The following PPP2R5C variants were observed in gnomAD, a reference collection of about 807,000 sequenced individuals.
PPP2R5C encodes serine/threonine-protein phosphatase 2A 56 kDa regulatory subunit gamma isoform.
Under a neutral mutation model 68.9 loss-of-function variants are expected in PPP2R5C, and 7 were observed. The observed-to-expected ratio is 0.10, with a 90% confidence interval of 0.06 to 0.19. The LOEUF (loss-of-function observed/expected upper bound fraction) is 0.19. Ranked by LOEUF, PPP2R5C falls within the 10% of genes least tolerant of loss-of-function variation. The pLI, the probability that PPP2R5C is intolerant of heterozygous loss-of-function variation, is 1.00. For missense variants in PPP2R5C, 348 were observed against 641.3 expected, an observed-to-expected ratio of 0.54 and a Z score of 4.94; for synonymous variants, 210 against 222.2, an observed-to-expected ratio of 0.95 and a Z score of 0.49.
chr14:101,761,684 C>T (rs1312016845), upstream of PPP2R5C: 14 of 227,470 alleles, frequency 6.2e-5, no homozygotes, highest in African/African-American at 3.3e-4. Flanking sequence ...GAGACGCCGC[C>T]GCTGCCGCCG....
At chr14:101,905,247 A>G (rs2045958158) in intron 9 of PPP2R5C, among the ~76,000 whole-genome samples, 1 of 152,214 alleles carries the variant, frequency 6.6e-6, no homozygotes, top group Non-Finnish European at 1.5e-5. Context: ...CCAGCCACTC[A>G]GGAGGCTCAG....
At chr14:101,776,080 C>T (rs1369991649) in intron 2 of PPP2R5C, among the ~76,000 whole-genome samples, 3 of 133,072 alleles carry the variant, frequency 2.3e-5, no homozygotes, top group Non-Finnish European at 4.7e-5. Context: ...TGCTCGTGTG[C>T]AGCCACTGTT....
intron 1 of PPP2R5C, among the ~76,000 whole-genome samples, chr14:101,815,691 T>A (rs1358501768): frequency 6.6e-6 from 1 of 152,190 alleles, no homozygotes; most frequent in Non-Finnish European, 1.5e-5. Context: ...CTTTTTTGAG[T>A]TGGAGTCTCG....
chr14:101,809,737 A>G, upstream of PPP2R5C: 1 of 1,116,938 alleles, frequency 9.0e-7, no homozygotes, highest in Non-Finnish European at 1.2e-6. Context: ...ACAGCCAAAC[A>G]GAACGCTCTT....
chr14:101,800,494 C>G (rs2038812673), intron 3 of PPP2R5C, among the ~76,000 whole-genome samples: 1 of 152,074 alleles, frequency 6.6e-6, no homozygotes, highest in African/African-American at 2.4e-5. Flanking sequence ...ACCCAGGAGG[C>G]AGAGGTTGCA....
In PPP2R5C at chr14:101,860,418, G is replaced by A. The variant is rs181342006; in HGVS notation, c.294+3533G>A. 1.2e-3 allele frequency among the ~76,000 whole-genome samples: 189 copies of A among 152,174 alleles called. 1 individual carries two copies. The highest frequency in any genetic ancestry group is 4.3e-3 in the African/African-American group (180 of 41,494). On this transcript the variant is annotated intron_variant, in intron 2 of 13. Coordinates refer to ENST00000334743, the Ensembl canonical transcript of PPP2R5C. ...ATATTCCATCATACAGATATACTAC[G>A]TTTTATTTATCCACGTATCTGTTGA...
chr14:101,797,213 C>A lies in PPP2R5C; in HGVS notation c.259+11030C>A, dbSNP rs1478470226. 2.2e-6 allele frequency: 1 copy of A among 455,862 alleles called. No homozygotes were observed. The highest frequency in any genetic ancestry group is 2.0e-5 in the African/African-American group (1 of 50,038). 28.2% of individuals were successfully genotyped at this position (455,862 alleles called of 1,614,324 possible). On this transcript the variant is annotated intron_variant, in intron 3 of 14. Transcript: ENST00000328724. This position sits in a 1 kb window ranked among gnomAD's most constrained non-coding sequence, Gnocchi z 4.2. ...TCCCTAAACATAATATCTTCCAGGT[C>A]CCCCCACATTGTAGCACGTGCCAGA...
At chr14:101,798,854 G>T (rs1031346557) in intron 3 of PPP2R5C, among the ~76,000 whole-genome samples, 5 of 152,204 alleles carry the variant, frequency 3.3e-5, no homozygotes, top group Non-Finnish European at 7.3e-5. Context: ...TGTCACAGGA[G>T]GTGAGTGGAA....
intron 3 of PPP2R5C, among the ~76,000 whole-genome samples, chr14:101,798,413 AG>A (rs2038714593): frequency 6.6e-6 from 1 of 152,230 alleles, no homozygotes; most frequent in Non-Finnish European, 1.5e-5. Context: ...ATGTATTTAC[AG>A]GTAGTTTGTT....
rs2037692671 is a variant in PPP2R5C at position 101,781,565 on chromosome 14, C to T, written c.94-4453C>T. Among the ~76,000 whole-genome samples the T allele has an allele frequency of 1.3e-5, 2 of 152,024 alleles. No homozygotes were observed. The highest frequency in any genetic ancestry group is 4.1e-4 in the South Asian group (2 of 4,830). ...CTGACGCACCCCTCTGCCCCAACCA[C>T]GTTTTCTCAAGAGTGTTGTCTGTCC... On this transcript the variant is annotated intron_variant, in intron 2 of 14. Coordinates refer to the PPP2R5C transcript ENST00000328724. The surrounding 1 kb of genome is among the most constrained non-coding windows in gnomAD (Gnocchi z 6.4).
chr14:101,893,982 C>CCT (rs2045137360), intron 7 of PPP2R5C, among the ~76,000 whole-genome samples: 2 of 152,334 alleles, frequency 1.3e-5, no homozygotes, highest in Admixed American at 6.5e-5. Context: ...GCACAAGGCT[C>CCT]CTCTCTGCCA....
chr14:101,897,445 G>A (rs1367132268), intron 8 of PPP2R5C, among the ~76,000 whole-genome samples: 1 of 150,860 alleles, frequency 6.6e-6, no homozygotes, highest in Admixed American at 6.6e-5. Flanking sequence ...TGTCACCCAG[G>A]TCCCACAATA....
chr14:101,909,026 A>G (rs896854549), intron 10 of PPP2R5C, among the ~76,000 whole-genome samples: 1 of 152,194 alleles, frequency 6.6e-6, no homozygotes, highest in Non-Finnish European at 1.5e-5. Flanking sequence ...ACAGGGCTGC[A>G]GTCCCATGGC....
At position 101,784,220 on chromosome 14, in the gene PPP2R5C, A is replaced by G. The variant is rs183369824; in HGVS notation, c.94-1798A>G. On this transcript the variant is annotated intron_variant, in intron 2 of 14. Coordinates refer to the PPP2R5C transcript ENST00000328724. ...AGTAAAGCAGCTCTTATTGCTTATG[A>G]AAATTTCATTCAAGGATGAGAACAA... Among the ~76,000 whole-genome samples, 207 of 152,308 alleles carry G rather than the reference A, an allele frequency of 1.4e-3. 1 individual carries two copies. The highest frequency in any genetic ancestry group is 4.9e-3 in the African/African-American group (202 of 41,558).
intron 2 of PPP2R5C, among the ~76,000 whole-genome samples, chr14:101,859,545 G>A (rs369097785): frequency 6.6e-6 from 1 of 152,336 alleles, no homozygotes; most frequent in African/African-American, 2.4e-5. Context: ...ATAGGGGATG[G>A]GGACAGATTG....
Position 101,888,388 on chromosome 14 carries a change from G to A in PPP2R5C, c.630-1849G>A, listed in dbSNP as rs185653944. Reference sequence around the variant, plus strand: ...GTAGGTGCAGGCTGAGGGACACCAGGTGCGAGCATTTTCTGTTTCTTGTCA... The same window carrying A: ...GTAGGTGCAGGCTGAGGGACACCAGATGCGAGCATTTTCTGTTTCTTGTCA... On this transcript the variant is annotated intron_variant, in intron 5 of 13. Transcript: ENST00000334743. This position sits in a 1 kb window ranked among gnomAD's most constrained non-coding sequence, Gnocchi z 5.6. 2.0e-5 allele frequency among the ~76,000 whole-genome samples: 3 copies of A among 152,152 alleles called. No individual in the cohort carries two copies. Among genetic ancestry groups the A allele is most frequent in the African/African-American group, 4.8e-5 (2 of 41,508 alleles).
At chr14:101,760,627 G>A (rs2139887893), upstream of PPP2R5C, 1 of 847,170 alleles carries the variant, frequency 1.2e-6, no homozygotes, top group Non-Finnish European at 1.4e-6. Flanking sequence ...CGGGTAGGCG[G>A]GACCTTGCGG....
In PPP2R5C at chr14:101,762,043, G is replaced by C. The variant is rs1446720857; in HGVS notation, c.27+123G>C. ...TTCCCCGCCTGACGCCGCGGGCTTC[G>C]CGTCCCCGAGGGCGGCCGAGCCAGG... On this transcript the variant is annotated intron_variant, in intron 1 of 14. Transcript: ENST00000328724. The C allele has an allele frequency of 7.9e-6, 8 of 1,010,542 alleles. No homozygotes were observed. The South Asian group carries it at 1.9e-4, about 24-fold the overall frequency. The allele number at this position is 1,010,542 out of a possible 1,614,324, so 62.6% of individuals were successfully genotyped here.
intron 2 of PPP2R5C, among the ~76,000 whole-genome samples, chr14:101,785,250 A>G (rs1427777379): frequency 6.6e-6 from 1 of 152,110 alleles, no homozygotes; most frequent in African/African-American, 2.4e-5. Context: ...ATTTTGTGAG[A>G]TACTCAGCCG....
Sources: gnomAD v4.1 joint callset for allele counts (sites outside exome capture counted in the v4.1 genomes callset) on GRCh38, gnomAD v4.1.1 for gene constraint, Gnocchi (gnomAD v3.1) non-coding constraint, MANE v1.5 for transcripts, NCBI Gene and HGNC (gene_info 2026-07-23, HGNC 2026-07-21) for gene names.